The following GRIP1 variants were observed in gnomAD, a reference collection of about 807,000 sequenced individuals.
GRIP1 encodes the protein glutamate receptor interacting protein 1.
In GRIP1, 45 loss-of-function variants were observed where a neutral mutation model predicts 129.9. The ratio of observed to expected loss-of-function variants is 0.35; its 90% CI spans 0.27 to 0.44. The LOEUF (loss-of-function observed/expected upper bound fraction) is 0.44, where lower values mean the gene tolerates loss of function less well. GRIP1 is among the 20% of genes least tolerant of loss of function. The pLI is 1.00. For missense variants in GRIP1, 1,196 were observed against 1,396.8 expected, an observed-to-expected ratio of 0.86 and a Z score of 2.29; for synonymous variants, 530 against 520.8, an observed-to-expected ratio of 1.02 and a Z score of -0.24.
rs192680039 is a variant in GRIP1, at chr12:66,952,675, T to C, written c.58+116375A>G. Among the ~76,000 whole-genome samples, 5 of 152,296 alleles carry C rather than the reference T, an allele frequency of 3.3e-5. No individual in the cohort carries two copies. In the East Asian group the frequency reaches 9.6e-4, roughly 29 times the overall value. On this transcript the variant is annotated intron_variant, in intron 1 of 1. Transcript: ENST00000643019. ...CACTTACTTTTTTTAACACAAAACA[T>C]GATATTTCATCTCAATAGAGTTCAA...
intron 1 of GRIP1, among the ~76,000 whole-genome samples, chr12:66,602,813 T>C (rs1399578334): frequency 6.6e-6 from 1 of 151,610 alleles, no homozygotes. Context: ...CAGACACAAA[T>C]GTGCTCTATA....
In GRIP1 at chr12:66,392,492, T is replaced by A. The variant is rs2056630134; in HGVS notation, c.2280A>T (p.Ala760=). 3 of 1,614,060 alleles carry A rather than the reference T, an allele frequency of 1.9e-6. No individual in the cohort carries two copies. Among genetic ancestry groups the A allele is most frequent in the Non-Finnish European group, 2.5e-6 (3 of 1,179,904 alleles). ...AAATAGGGAACTTCTTGGGGCTCGA[T>A]GCTGACTGGGCTTTATAGACAGGAA... The part of the protein sequence containing the change: ...KIKKQTDAQS[A]SSPKKFPISS... Residue 760 remains alanine (A), a synonymous_variant, in exon 19 of 25, where the codon GCA becomes GCT. Transcript: ENST00000359742.
intron 15 of GRIP1, among the ~76,000 whole-genome samples, chr12:66,415,629 A>G (rs2057571513): frequency 6.6e-6 from 1 of 152,216 alleles, no homozygotes; most frequent in South Asian, 2.1e-4. Context: ...GCTTATGTCC[A>G]CTGCAGCACT....
chr12:66,990,991 A>AAC, intron 1 of GRIP1, among the ~76,000 whole-genome samples: 1 of 151,348 alleles, frequency 6.6e-6, no homozygotes, highest in African/African-American at 2.4e-5. Flanking sequence ...AAAAAAAAAA[A>AAC]GAAAGAAAAA....
At chr12:66,961,015 T>C (rs966478300) in intron 1 of GRIP1, among the ~76,000 whole-genome samples, 2 of 152,130 alleles carry the variant, frequency 1.3e-5, no homozygotes, top group African/African-American at 4.8e-5. Flanking sequence ...TAATGAGAAG[T>C]GCTGCAAAAT....
intron 1 of GRIP1, among the ~76,000 whole-genome samples, chr12:66,931,399 A>C (rs1301385637): frequency 6.6e-6 from 1 of 152,238 alleles, no homozygotes; most frequent in African/African-American, 2.4e-5. Flanking sequence ...AGAATAACAA[A>C]GAATATCACT....
intron 1 of GRIP1, among the ~76,000 whole-genome samples, chr12:66,850,126 AGT>A (rs1592901229): frequency 1.3e-5 from 2 of 152,314 alleles, no homozygotes; most frequent in East Asian, 3.9e-4. Context: ...AGAAAGGCAA[AGT>A]GAGACAAAAG....
chr12:66,830,219 C>A (rs576806567), intron 1 of GRIP1, among the ~76,000 whole-genome samples: 1 of 152,080 alleles, frequency 6.6e-6, no homozygotes, highest in Non-Finnish European at 1.5e-5. Flanking sequence ...CATCCACTGC[C>A]CCGCGATGCC....
intron 7 of GRIP1, among the ~76,000 whole-genome samples, chr12:66,501,142 G>GTCATTT (rs1182948942): frequency 6.6e-6 from 1 of 152,196 alleles, no homozygotes; most frequent in African/African-American, 2.4e-5. Flanking sequence ...GTATCTAGGA[G>GTCATTT]TCATTTTCAG....
intron 15 of GRIP1, among the ~76,000 whole-genome samples, chr12:66,411,869 A>T (rs2057415775): frequency 6.6e-6 from 1 of 152,236 alleles, no homozygotes; most frequent in Non-Finnish European, 1.5e-5. Flanking sequence ...GACTAAGTGG[A>T]ACAAAGAATC....
At chr12:66,639,053 T>C (rs1017001279) in intron 1 of GRIP1, among the ~76,000 whole-genome samples, 1 of 148,864 alleles carries the variant, frequency 6.7e-6, no homozygotes, top group African/African-American at 2.5e-5. Flanking sequence ...AATCCTGGCA[T>C]ATAACAAGAG....
chr12:66,908,292 A>G (rs1415906046), intron 1 of GRIP1, among the ~76,000 whole-genome samples: 1 of 152,210 alleles, frequency 6.6e-6, no homozygotes, highest in Non-Finnish European at 1.5e-5. Flanking sequence ...TGTGGGTGGC[A>G]GGCTGAAAGT....
At chr12:66,914,765 T>C (rs1432359230) in intron 1 of GRIP1, among the ~76,000 whole-genome samples, 1 of 152,162 alleles carries the variant, frequency 6.6e-6, no homozygotes, top group Non-Finnish European at 1.5e-5. Flanking sequence ...AGAATCTGCA[T>C]GTACCCTGGC....
intron 11 of GRIP1, among the ~76,000 whole-genome samples, chr12:66,450,128 A>G (rs749683254): frequency 9.2e-5 from 14 of 151,474 alleles, no homozygotes; most frequent in South Asian, 2.1e-4. Context: ...GTGAAACCCC[A>G]TCTCTACTAA....
chr12:66,799,402 A>G (rs1566028517), intron 1 of GRIP1, among the ~76,000 whole-genome samples: 1 of 152,156 alleles, frequency 6.6e-6, no homozygotes, highest in Non-Finnish European at 1.5e-5. Context: ...GAGTTAAACT[A>G]AATACAGCTA....
At chr12:66,856,612 C>A (rs1252260) in intron 1 of GRIP1, among the ~76,000 whole-genome samples, 146,306 of 151,650 alleles carry the variant, frequency 0.96, 70,816 homozygotes, top group South Asian at 1. Context: ...GCCAACAGAC[C>A]CATGAAAAAA....
At chr12:66,512,021 T>G (rs1045418801) in intron 7 of GRIP1, among the ~76,000 whole-genome samples, 1 of 152,106 alleles carries the variant, frequency 6.6e-6, no homozygotes, top group Non-Finnish European at 1.5e-5. Flanking sequence ...TCTGATGGTT[T>G]AAAAGTGCGT....
At chr12:66,810,124 AG>A (rs1221974083) in intron 1 of GRIP1, among the ~76,000 whole-genome samples, 1 of 152,232 alleles carries the variant, frequency 6.6e-6, no homozygotes, top group Non-Finnish European at 1.5e-5. Context: ...TACATCATAC[AG>A]AAAATAAAAA....
At chr12:66,801,081 C>G (rs900275677) in intron 1 of GRIP1, among the ~76,000 whole-genome samples, 4 of 151,940 alleles carry the variant, frequency 2.6e-5, no homozygotes, top group African/African-American at 4.8e-5. Context: ...CAGTCAATAC[C>G]TTTACCTAAA....
Sources: allele counts gnomAD v4.1 joint callset (sites outside exome capture counted in the v4.1 genomes callset), GRCh38; gene constraint gnomAD v4.1.1; transcripts MANE v1.5; gene names NCBI Gene and HGNC (gene_info 2026-07-23, HGNC 2026-07-21).